The following COL4A1 variants were observed in gnomAD, a reference collection of about 807,000 sequenced individuals.
COL4A1 encodes the protein collagen type IV alpha 1 chain.
COL4A1 carries 40 observed loss-of-function variants against 216.6 expected under a neutral mutation model. The ratio of observed to expected loss-of-function variants is 0.18; its 90% CI spans 0.14 to 0.24. The LOEUF (loss-of-function observed/expected upper bound fraction) is 0.24, where lower values mean the gene tolerates loss of function less well. Ranked by LOEUF, COL4A1 falls within the 10% of genes least tolerant of loss-of-function variation. COL4A1 has a pLI of 1.00. For synonymous variants in COL4A1, 839 were observed against 810.7 expected, an observed-to-expected ratio of 1.03 and a Z score of -0.59; for missense variants, 1,628 against 2,196.8, an observed-to-expected ratio of 0.74 and a Z score of 5.18.
At chr13:110,260,177 T>C (rs1482374598) in intron 1 of COL4A1, among the ~76,000 whole-genome samples, 1 of 152,098 alleles carries the variant, frequency 6.6e-6, no homozygotes, top group Non-Finnish European at 1.5e-5. Flanking sequence ...CAGTTCCACA[T>C]GGCTGGGGAG....
At chr13:110,226,920 T>C (rs957155463) in intron 2 of COL4A1, among the ~76,000 whole-genome samples, 3 of 152,180 alleles carry the variant, frequency 2.0e-5, no homozygotes, top group Admixed American at 6.5e-5. Context: ...AGACAATAAA[T>C]AGCTACTTCA....
intron 51 of COL4A1, among the ~76,000 whole-genome samples, chr13:110,151,284 T>G (rs1439321273): frequency 6.6e-6 from 1 of 152,050 alleles, no homozygotes; most frequent in Non-Finnish European, 1.5e-5. Context: ...AACATTTTAG[T>G]TTATTGTATC....
intron 1 of COL4A1, among the ~76,000 whole-genome samples, chr13:110,270,854 G>T (rs1366836268): frequency 1.3e-5 from 2 of 152,160 alleles, no homozygotes; most frequent in African/African-American, 4.8e-5. Flanking sequence ...TTAGATTTTT[G>T]TTTTTCCATA....
intron 21 of COL4A1, among the ~76,000 whole-genome samples, chr13:110,198,052 T>C (rs1232130541): frequency 1.3e-5 from 2 of 151,306 alleles, no homozygotes; most frequent in Admixed American, 1.3e-4. Context: ...TCTTTACCCA[T>C]GTAATCCTGT....
chr13:110,197,707 C>T (rs909829819), intron 21 of COL4A1, among the ~76,000 whole-genome samples: 1 of 152,178 alleles, frequency 6.6e-6, no homozygotes, highest in African/African-American at 2.4e-5. Context: ...CATGAGAACT[C>T]CCTTTCGTAA....
At chr13:110,154,280 G>A (rs1006363813) in intron 50 of COL4A1, among the ~76,000 whole-genome samples, 3 of 152,206 alleles carry the variant, frequency 2.0e-5, no homozygotes, top group African/African-American at 7.2e-5. Flanking sequence ...TGCCAACTGG[G>A]GTAATAGAAT....
intron 1 of COL4A1, among the ~76,000 whole-genome samples, chr13:110,304,768 A>T (rs1884621808): frequency 6.6e-6 from 1 of 152,212 alleles, no homozygotes; most frequent in Non-Finnish European, 1.5e-5. Flanking sequence ...AAAAAACAAT[A>T]AGGGCAATTC....
At chr13:110,200,594 G>A (rs568925267) in intron 20 of COL4A1, among the ~76,000 whole-genome samples, 53 of 152,304 alleles carry the variant, frequency 3.5e-4, no homozygotes, top group African/African-American at 1.1e-3. Context: ...TTACATCAGA[G>A]CTGGGCAGAA....
Position 110,186,482 on chromosome 13 carries a change from G to A in COL4A1, c.1800C>T (p.Thr600=), listed in dbSNP as rs552184288. The change falls in exon 26 of 52, where the codon ACC becomes ACT. Residue 600 remains threonine, a synonymous_variant. Transcript: ENST00000375820. ...GVGFPGSRGD[T]GPPGPPGYGP... Reference sequence around the variant, plus strand: ...CATATCCTGGAGGCCCAGGGGGGCCGGTGTCACCACGACTGCCTGGGAATC... The same window carrying A: ...CATATCCTGGAGGCCCAGGGGGGCCAGTGTCACCACGACTGCCTGGGAATC... The A allele has an allele frequency of 1.1e-5, 17 of 1,613,628 alleles. No individual in the cohort carries two copies. Among genetic ancestry groups the A allele is most frequent in the African/African-American group, 4.0e-5 (3 of 74,984 alleles).
chr13:110,170,347 ATTAC>A (rs1424585861), intron 42 of COL4A1, among the ~76,000 whole-genome samples, 196 bp downstream of exon 42: 1 of 152,204 alleles, frequency 6.6e-6, no homozygotes, highest in Non-Finnish European at 1.5e-5. Context: ...CATCTCCCTA[ATTAC>A]TTAAATTCCT....
intron 1 of COL4A1, among the ~76,000 whole-genome samples, chr13:110,257,204 T>G (rs1236485506): frequency 6.6e-6 from 1 of 152,182 alleles, no homozygotes; most frequent in Non-Finnish European, 1.5e-5. Flanking sequence ...GTTTGAAAAC[T>G]CAAACATAAT....
intron 2 of COL4A1, among the ~76,000 whole-genome samples, chr13:110,235,541 C>T (rs924055484): frequency 4.6e-5 from 7 of 151,374 alleles, no homozygotes; most frequent in African/African-American, 1.5e-4. Flanking sequence ...GTCCCAGCTA[C>T]TTGGGAGGCT....
chr13:110,152,009 C>T (rs908126307), intron 51 of COL4A1, among the ~76,000 whole-genome samples: 1 of 152,146 alleles, frequency 6.6e-6, no homozygotes, highest in Non-Finnish European at 1.5e-5. Flanking sequence ...TTCTTCTCCC[C>T]GGGATTGTTA....
intron 1 of COL4A1, among the ~76,000 whole-genome samples, chr13:110,303,375 C>T (rs12858728): frequency 0.14 from 22,002 of 151,976 alleles, 1,782 homozygotes; most frequent in East Asian, 0.28. Context: ...TTTTTTAACA[C>T]TGGTCTCCTA....
intron 48 of COL4A1, 75 bp downstream of exon 48, chr13:110,162,155 C>A: frequency 7.5e-7 from 1 of 1,326,058 alleles, no homozygotes; most frequent in Non-Finnish European, 1.1e-6. Flanking sequence ...GCAGCAGAGG[C>A]GAGTCCAGCA....
chr13:110,242,858 C>G, intron 1 of COL4A1, 124 bp from the exon 2 acceptor site: 1 of 1,042,092 alleles, frequency 9.6e-7, no homozygotes, highest in South Asian at 1.3e-5. Context: ...CCTTCGGACA[C>G]AATCTTATCT....
intron 1 of COL4A1, among the ~76,000 whole-genome samples, chr13:110,302,140 A>G (rs9515184): frequency 0.61 from 92,853 of 151,672 alleles, 29,302 homozygotes; most frequent in Admixed American, 0.72. Context: ...AGAAAGAAGT[A>G]GGAGACTTTG....
chr13:110,255,347 A>C (rs1455087949), intron 1 of COL4A1, among the ~76,000 whole-genome samples: 1 of 150,882 alleles, frequency 6.6e-6, no homozygotes, highest in Non-Finnish European at 1.5e-5. Flanking sequence ...AGGGAAGGGA[A>C]ATGAGGAGAC....
rs1256243604 is a variant in COL4A1 at position 110,183,205 on chromosome 13, G to A, written c.1969C>T (p.Pro657Ser). 1 of 1,613,936 alleles carries A rather than the reference G, an allele frequency of 6.2e-7. No homozygotes were observed. Among genetic ancestry groups the A allele is most frequent in the Non-Finnish European group, 8.5e-7 (1 of 1,180,012 alleles). ...PPGAEGLPGS[P>S]GFPGPQGDRG... ...GTACCTTGGGGACCTGGGAAGCCTGGGGACCCCGGCAGTCCTTCTGCTCCA... is the reference window on the plus strand; with the variant it reads ...GTACCTTGGGGACCTGGGAAGCCTGAGGACCCCGGCAGTCCTTCTGCTCCA... The change falls in exon 27 of 52, where the codon CCA (proline) becomes TCA (serine). Residue 657 changes from proline (P) to serine (S), a missense_variant. Around this residue, in one of 8 missense-constraint regions of COL4A1, gnomAD observed 701 missense variants for 892.5 expected, o/e 0.79. Transcript: ENST00000375820.
Sources: allele counts gnomAD v4.1 joint callset (sites outside exome capture counted in the v4.1 genomes callset), GRCh38; gene constraint gnomAD v4.1.1; regional missense constraint gnomAD v4.1.1; transcripts MANE v1.5; gene names NCBI Gene and HGNC (gene_info 2026-07-23, HGNC 2026-07-21).